Variants in CCDC178 observed in about 807,000 individuals in gnomAD.
CCDC178 encodes coiled-coil domain containing 178, also known as coiled-coil domain-containing protein 178.
Under a neutral mutation model 117.4 loss-of-function variants are expected in CCDC178, and 126 were observed. That is an observed-to-expected ratio of 1.07 (90% confidence interval 0.93 to 1.24). The LOEUF (loss-of-function observed/expected upper bound fraction) is 1.24, where lower values mean the gene tolerates loss of function less well. Ranked by LOEUF, CCDC178 falls within the 50% of genes most tolerant of loss-of-function variation. The pLI, the probability that CCDC178 is intolerant of heterozygous loss-of-function variation, is 0.00. For missense variants in CCDC178, 1,030 were observed against 986.9 expected (o/e 1.04, Z -0.59); for synonymous variants, 283 against 313.4 (o/e 0.90, Z 1.02).
intron 12 of CCDC178, among the ~76,000 whole-genome samples, chr18:33,276,028 G>GTAAA (rs148486473): frequency 0.055 from 8,092 of 146,728 alleles, 541 homozygotes; most frequent in African/African-American, 0.16. Context: ...AAGTAAGTGA[G>GTAAA]TAAATAAATA....
chr18:32,991,329 A>C (rs2055387599), intron 21 of CCDC178, among the ~76,000 whole-genome samples: 1 of 152,192 alleles, frequency 6.6e-6, no homozygotes, highest in Non-Finnish European at 1.5e-5. Flanking sequence ...TCAAATGCAC[A>C]CTAATGAAAA....
At position 33,397,168 on chromosome 18, in the gene CCDC178, T is replaced by C. The variant is rs200254865; in HGVS notation, c.99A>G (p.Ala33=). ...GGATACCTTCATTTGTCCTTGACCA[T>C]GCCTTCTCTCTGAGAGCCTTTACTT... ...CQEVKALREK[A]WSRTNEGNAM... is the part of the protein sequence containing the mutation. Residue 33 remains alanine (A), a synonymous_variant, in exon 4 of 23, where the codon GCA becomes GCG. Coordinates refer to ENST00000383096, the MANE Select transcript of CCDC178 (RefSeq NM_001105528.4). 9 of 1,606,796 alleles carry C rather than the reference T, an allele frequency of 5.6e-6. No individual in the cohort carries two copies. The East Asian group carries it at 1.6e-4, about 28-fold the overall frequency.
intron 21 of CCDC178, among the ~76,000 whole-genome samples, chr18:33,011,767 C>CAAAAAAAAAAAAAAAAAAAA (rs71177899): frequency 3.3e-5 from 1 of 30,012 alleles, no homozygotes; most frequent in Non-Finnish European, 9.0e-5. Flanking sequence ...GAGCAGAATG[C>CAAAAAAAAAAAAAAAAAAAA]AAAAAAAAAA....
chr18:33,348,874 G>A lies in CCDC178; in HGVS notation c.457+16C>T. On this transcript the variant is annotated intron_variant, in intron 8 of 22. Coordinates refer to ENST00000383096, the MANE Select transcript of CCDC178 (RefSeq NM_001105528.4). ...TTAAATATATACAGTTATTCAAGTA[G>A]GAGGAACAACTTTACCTCTCTTTTC... The A allele has an allele frequency of 6.6e-7, 1 of 1,523,540 alleles. No individual in the cohort carries two copies. Among genetic ancestry groups the A allele is most frequent in the Non-Finnish European group, 9.1e-7 (1 of 1,099,824 alleles). 94.4% of individuals were successfully genotyped at this position (1,523,540 alleles called of 1,614,324 possible).
chr18:33,179,868 C>T (rs1354514010), intron 20 of CCDC178, among the ~76,000 whole-genome samples: 1 of 151,968 alleles, frequency 6.6e-6, no homozygotes, highest in Non-Finnish European at 1.5e-5. Flanking sequence ...CTACAAACTT[C>T]ATGGACATTA....
At chr18:33,222,259 T>TCCTGCCTCCTTC in intron 18 of CCDC178, among the ~76,000 whole-genome samples, 1 of 150,174 alleles carries the variant, frequency 6.7e-6, no homozygotes, top group South Asian at 2.1e-4. Context: ...CTCCCTCCTT[T>TCCTGCCTCCTTC]CCTGCCTCCT....
At chr18:32,943,109 G>A (rs1221219661) in intron 22 of CCDC178, among the ~76,000 whole-genome samples, 3 of 152,154 alleles carry the variant, frequency 2.0e-5, no homozygotes, top group African/African-American at 7.2e-5. Context: ...GAATGATGAG[G>A]TTGCCTTTCA....
At chr18:33,172,827 T>A (rs2058618873) in intron 20 of CCDC178, among the ~76,000 whole-genome samples, 1 of 152,204 alleles carries the variant, frequency 6.6e-6, no homozygotes, top group Non-Finnish European at 1.5e-5. Context: ...TAATGAAGGA[T>A]GCATAATTCT....
intron 11 of CCDC178, among the ~76,000 whole-genome samples, chr18:33,309,585 C>T (rs1198738772): frequency 1.3e-5 from 2 of 151,988 alleles, no homozygotes; most frequent in African/African-American, 2.4e-5. Context: ...CTAAAAATTA[C>T]GAAGTGGTTT....
intron 15 of CCDC178, among the ~76,000 whole-genome samples, chr18:33,231,830 C>A (rs534985307): frequency 6.6e-6 from 1 of 152,198 alleles, no homozygotes; most frequent in Admixed American, 6.5e-5. Flanking sequence ...GAGACACAAC[C>A]CCACCCTCTC....
chr18:33,057,785 C>T (rs1424409013), intron 21 of CCDC178, among the ~76,000 whole-genome samples: 7 of 152,108 alleles, frequency 4.6e-5, no homozygotes, highest in South Asian at 2.1e-4. Context: ...TGAGACACCA[C>T]GTCCAGCCCA....
intron 5 of CCDC178, among the ~76,000 whole-genome samples, chr18:33,370,982 A>G (rs1225901954): frequency 6.6e-6 from 1 of 151,978 alleles, no homozygotes; most frequent in Non-Finnish European, 1.5e-5. Context: ...CTGATCTTAA[A>G]TGGGAGACAC....
chr18:33,400,514 A>T (rs986437468), intron 3 of CCDC178, among the ~76,000 whole-genome samples: 1 of 152,188 alleles, frequency 6.6e-6, no homozygotes, highest in Non-Finnish European at 1.5e-5. Context: ...TTCACTGTGC[A>T]CTTTCATGCT....
chr18:32,940,109 T>TC (rs1212039410), intron 22 of CCDC178, among the ~76,000 whole-genome samples: 1 of 151,450 alleles, frequency 6.6e-6, no homozygotes, highest in African/African-American at 2.4e-5. Context: ...GAGTTTTTTT[T>TC]CATATTATGT....
intron 21 of CCDC178, among the ~76,000 whole-genome samples, chr18:32,978,203 ATTTT>A (rs34863142): frequency 1.4e-3 from 123 of 90,038 alleles, no homozygotes; most frequent in African/African-American, 4.7e-3. Flanking sequence ...CTCAAAAAAG[ATTTT>A]TTTTTTTTTT....
chr18:33,220,400 A>T (rs1026527719), intron 18 of CCDC178, among the ~76,000 whole-genome samples: 1 of 152,088 alleles, frequency 6.6e-6, no homozygotes, highest in Non-Finnish European at 1.5e-5. Context: ...GACTGGTTAA[A>T]CACTAGATTT....
At chr18:33,382,883 T>C (rs1233964246) in intron 5 of CCDC178, among the ~76,000 whole-genome samples, 1 of 152,094 alleles carries the variant, frequency 6.6e-6, no homozygotes, top group East Asian at 1.9e-4. Context: ...GCTTGGCAGG[T>C]CCCACTTCCA....
At chr18:33,378,733 T>G (rs1297045532) in intron 5 of CCDC178, among the ~76,000 whole-genome samples, 1 of 152,192 alleles carries the variant, frequency 6.6e-6, no homozygotes, top group Non-Finnish European at 1.5e-5. Flanking sequence ...TGTGGTGAAT[T>G]ACTTTATTGA....
intron 21 of CCDC178, among the ~76,000 whole-genome samples, chr18:33,045,752 C>T (rs2056630524): frequency 6.6e-6 from 1 of 152,116 alleles, no homozygotes; most frequent in African/African-American, 2.4e-5. Context: ...TTAGTAGTTA[C>T]CAGTTTTCCA....
Sources: allele counts gnomAD v4.1 joint callset (sites outside exome capture counted in the v4.1 genomes callset), GRCh38; gene constraint gnomAD v4.1.1; transcripts MANE v1.5; gene names NCBI Gene and HGNC (gene_info 2026-07-23, HGNC 2026-07-21).